MTUS2: variants seen among roughly 807,000 people sequenced by gnomAD.
The protein encoded by MTUS2 is microtubule-associated tumor suppressor candidate 2.
MTUS2 carries 40 observed loss-of-function variants against 114.1 expected under a neutral mutation model. The ratio of observed to expected loss-of-function variants is 0.35; its 90% CI spans 0.27 to 0.46. The LOEUF is 0.46. Ranked by LOEUF, MTUS2 falls within the 20% of genes least tolerant of loss-of-function variation. MTUS2 has a pLI of 1.00. For synonymous variants in MTUS2, 688 were observed against 672.0 expected, an observed-to-expected ratio of 1.02 and a Z score of -0.37; for missense variants, 1,679 against 1,705.4, an observed-to-expected ratio of 0.98 and a Z score of 0.27.
chr13:29,109,381 T>A (rs1306933100), intron 5 of MTUS2, among the ~76,000 whole-genome samples: 1 of 152,184 alleles, frequency 6.6e-6, no homozygotes, highest in Non-Finnish European at 1.5e-5. Flanking sequence ...ATAGTGTTAT[T>A]AATAATCAAC....
chr13:29,213,038 C>T (rs1285425290), intron 5 of MTUS2, among the ~76,000 whole-genome samples: 1 of 151,998 alleles, frequency 6.6e-6, no homozygotes, highest in Non-Finnish European at 1.5e-5. Flanking sequence ...TTCTGTTACC[C>T]AGGAAATTCC....
intron 8 of MTUS2, among the ~76,000 whole-genome samples, chr13:29,406,834 C>A (rs1161837661): frequency 2.0e-5 from 3 of 152,232 alleles, no homozygotes; most frequent in African/African-American, 7.2e-5. Flanking sequence ...ATCCTACATA[C>A]AAACTTATAT....
chr13:29,280,842 T>C lies in MTUS2; in HGVS notation c.2645-862T>C, dbSNP rs1381087686. The stretch of plus-strand genomic sequence containing the variant: ...GACTTACCCTTTAACAGAGAATAGA[T>C]AGTGATGTCATTGTCTTTAAGAGAT... On this transcript the variant is annotated intron_variant, in intron 5 of 15. Coordinates refer to ENST00000612955, the MANE Select transcript of MTUS2 (RefSeq NM_001033602.4). Among the ~76,000 whole-genome samples, 3 of 152,208 alleles carry C rather than the reference T, an allele frequency of 2.0e-5. No individual in the cohort carries two copies. In the East Asian group the frequency reaches 5.8e-4, roughly 29 times the overall value.
intron 2 of MTUS2, among the ~76,000 whole-genome samples, chr13:28,844,877 A>G (rs1875763088): frequency 6.6e-6 from 1 of 152,168 alleles, no homozygotes; most frequent in African/African-American, 2.4e-5. Flanking sequence ...TTGGCTCCCC[A>G]GAGTGTTGAG....
At chr13:29,190,619 A>G (rs1190098567) in intron 5 of MTUS2, among the ~76,000 whole-genome samples, 1 of 152,236 alleles carries the variant, frequency 6.6e-6, no homozygotes, top group Non-Finnish European at 1.5e-5. Flanking sequence ...TGCAGGGAGC[A>G]ACATTGTGTT....
intron 5 of MTUS2, among the ~76,000 whole-genome samples, chr13:29,105,712 G>A (rs1453719776): frequency 1.3e-5 from 2 of 149,822 alleles, no homozygotes; most frequent in Non-Finnish European, 2.9e-5. Flanking sequence ...GGATACAGCT[G>A]GGGAGGTGGG....
At chr13:29,440,172 T>G in intron 9 of MTUS2, 123 bp downstream of exon 9, 2 of 883,144 alleles carry the variant, frequency 2.3e-6, no homozygotes, top group Non-Finnish European at 3.6e-6. Context: ...ATGAATGAAG[T>G]ATCTCACCCA....
intron 6 of MTUS2, among the ~76,000 whole-genome samples, chr13:29,309,754 C>A (rs1198656420): frequency 6.6e-6 from 1 of 151,886 alleles, no homozygotes; most frequent in Non-Finnish European, 1.5e-5. Context: ...AAGGGCCTGG[C>A]ATTATGCTAA....
At chr13:29,358,212 C>G (rs1869914105) in intron 7 of MTUS2, among the ~76,000 whole-genome samples, 1 of 152,230 alleles carries the variant, frequency 6.6e-6, no homozygotes, top group African/African-American at 2.4e-5. Context: ...CTGCACATCC[C>G]AGGTCTGTCT....
intron 2 of MTUS2, among the ~76,000 whole-genome samples, chr13:28,893,992 A>C (rs1016725025): frequency 6.6e-6 from 1 of 151,990 alleles, no homozygotes; most frequent in Non-Finnish European, 1.5e-5. Context: ...CAAAAGGCAC[A>C]TAGAGTGAGT....
At chr13:29,447,276 G>A (rs544753107) in intron 9 of MTUS2, among the ~76,000 whole-genome samples, 7 of 152,194 alleles carry the variant, frequency 4.6e-5, no homozygotes, top group South Asian at 2.1e-4. Context: ...AAAAGAATAC[G>A]TCATGAACCG....
At chr13:29,114,647 A>G (rs1891013805) in intron 5 of MTUS2, among the ~76,000 whole-genome samples, 1 of 152,208 alleles carries the variant, frequency 6.6e-6, no homozygotes, top group Admixed American at 6.5e-5. Flanking sequence ...TAAGATGGCC[A>G]TGGTAGGGAA....
intron 5 of MTUS2, among the ~76,000 whole-genome samples, chr13:29,173,633 T>C (rs1196751327): frequency 6.6e-6 from 1 of 152,166 alleles, no homozygotes; most frequent in African/African-American, 2.4e-5. Flanking sequence ...GGATGAATGA[T>C]TAGGGTGGAA....
At position 29,324,604 on chromosome 13, in the gene MTUS2, T is replaced by C; in HGVS notation, c.2807-9T>C. 6.4e-7 allele frequency: 1 copy of C among 1,561,912 alleles called. No homozygotes were observed. The highest frequency in any genetic ancestry group is 8.7e-7 in the Non-Finnish European group (1 of 1,148,688). On this transcript the variant is annotated splice_polypyrimidine_tract_variant and intron_variant, in intron 6 of 15. Transcript: ENST00000612955. ...TTTCTACCTATTTCTCTTTTCCAAC[T>C]ATACACAGGAACAAAGAAAGATGCT...
intron 3 of MTUS2, among the ~76,000 whole-genome samples, chr13:29,031,421 G>A (rs570272009): frequency 6.6e-6 from 1 of 151,914 alleles, no homozygotes; most frequent in Non-Finnish European, 1.5e-5. Flanking sequence ...TATATATATA[G>A]AGAGAGATTG....
chr13:29,374,819 G>A (rs755251600), intron 8 of MTUS2, among the ~76,000 whole-genome samples: 30 of 152,012 alleles, frequency 2.0e-4, no homozygotes, highest in Non-Finnish European at 3.5e-4. Context: ...CCAGCTACTC[G>A]GGAGGCTGAG....
At chr13:29,007,484 C>T (rs1885650975) in intron 2 of MTUS2, among the ~76,000 whole-genome samples, 1 of 152,186 alleles carries the variant, frequency 6.6e-6, no homozygotes, top group Non-Finnish European at 1.5e-5. Context: ...TCTTACTAAA[C>T]ATATCCCTTT....
At chr13:28,862,641 A>G (rs1313575753) in intron 2 of MTUS2, among the ~76,000 whole-genome samples, 1 of 152,184 alleles carries the variant, frequency 6.6e-6, no homozygotes, top group African/African-American at 2.4e-5. Context: ...CAAACCCTCT[A>G]CACACAAGTT....
At chr13:29,163,954 T>TC (rs1893207998) in intron 5 of MTUS2, among the ~76,000 whole-genome samples, 1 of 152,096 alleles carries the variant, frequency 6.6e-6, no homozygotes. Flanking sequence ...TGCCCACAGC[T>TC]CGAGCGCCCT....
Sources: gnomAD v4.1 joint callset for allele counts (sites outside exome capture counted in the v4.1 genomes callset) on GRCh38, gnomAD v4.1.1 for gene constraint, MANE v1.5 for transcripts, NCBI Gene and HGNC (gene_info 2026-07-23, HGNC 2026-07-21) for gene names.